CNGA3: variants seen among roughly 807,000 people sequenced by gnomAD.
CNGA3 encodes the protein cyclic nucleotide-gated channel alpha-3.
In CNGA3, 42 loss-of-function variants were observed where a neutral mutation model predicts 46.6. That is an observed-to-expected ratio of 0.90 (90% CI 0.70 to 1.17). The LOEUF is 1.17. CNGA3 is among the 50% of genes most tolerant of loss of function. CNGA3 has a pLI of 0.00. For missense variants in CNGA3, 893 were observed against 890.7 expected, an observed-to-expected ratio of 1.00 and a Z score of -0.03; for synonymous variants, 394 against 369.4, an observed-to-expected ratio of 1.07 and a Z score of -0.76.
At position 98,397,310 on chromosome 2, in the gene CNGA3, T is replaced by G; in HGVS notation, c.*55T>G. ...GGTCGACTGTCAGGGTGACCGTATG[T>G]GGCCGCAGCTGTGTGGCATGGAACT... On this transcript the variant is annotated 3_prime_UTR_variant, in exon 8 of 8. Coordinates refer to ENST00000272602, the MANE Select transcript of CNGA3 (RefSeq NM_001298.3). 6.4e-7 allele frequency: 1 copy of G among 1,552,926 alleles called. No homozygotes were observed. The highest frequency in any genetic ancestry group is 8.8e-7 in the Non-Finnish European group (1 of 1,131,072).
chr2:98,365,909 A>T (rs191944481), intron 1 of CNGA3, among the ~76,000 whole-genome samples: 1 of 152,268 alleles, frequency 6.6e-6, no homozygotes, highest in East Asian at 1.9e-4. Flanking sequence ...CAGTTAATCC[A>T]TCTCGGCCTC....
rs751646027 is a variant in CNGA3 at position 98,380,359 on chromosome 2, G to A, written c.395+5G>A. The A allele has an allele frequency of 1.2e-6, 2 of 1,613,468 alleles. No individual in the cohort carries two copies. Among genetic ancestry groups the A allele is most frequent in the South Asian group, 2.2e-5 (2 of 90,974 alleles). On this transcript the variant is annotated splice_donor_5th_base_variant and intron_variant, in intron 4 of 7. Transcript: ENST00000272602. ...GCCAGCAGACAGAGGGAGAAGGTAA[G>A]GAACGGAAAAGAAGAAGGGGCCTCT...
At chr2:98,374,837 C>T (rs1692368761) in intron 2 of CNGA3, among the ~76,000 whole-genome samples, 1 of 152,256 alleles carries the variant, frequency 6.6e-6, no homozygotes, top group Non-Finnish European at 1.5e-5. Flanking sequence ...ATGGGCCCCC[C>T]CATCAGGCCC....
Position 98,369,980 on chromosome 2 carries a change from C to T in CNGA3, c.5C>T (p.Ala2Val), listed in dbSNP as rs767999739. ...TAAATGTGACAAACCGAGAAGATGGCCAAGATCAACACCCAATACTCCCAC... is the reference window on the plus strand; with the variant it reads ...TAAATGTGACAAACCGAGAAGATGGTCAAGATCAACACCCAATACTCCCAC... M[A>V]KINTQYSHPS... Residue 2 changes from alanine (A) to valine (V), a missense_variant, in exon 2 of 8, where the codon GCC becomes GTC. By Grantham distance (64) the Ala-to-Val change is moderately conservative. Around this residue, in one of 3 missense-constraint regions of CNGA3, gnomAD observed 333 missense variants for 290.8 expected, o/e 1.15. Coordinates refer to ENST00000272602, the MANE Select transcript of CNGA3 (RefSeq NM_001298.3). 2.5e-6 allele frequency: 4 copies of T among 1,613,402 alleles called. No homozygotes were observed. In the African/African-American group the frequency reaches 5.3e-5, roughly 22 times the overall value.
At chr2:98,365,189 C>T (rs2104160418) in intron 1 of CNGA3, among the ~76,000 whole-genome samples, 1 of 152,222 alleles carries the variant, frequency 6.6e-6, no homozygotes, top group Non-Finnish European at 1.5e-5. Context: ...CTCCTATAAT[C>T]CCAACACTTT....
At chr2:98,349,652 C>G (rs1311091393) in intron 1 of CNGA3, among the ~76,000 whole-genome samples, 1 of 152,188 alleles carries the variant, frequency 6.6e-6, no homozygotes, top group Non-Finnish European at 1.5e-5. Context: ...AAGGCAGGAA[C>G]AGAGCTCAAA....
Position 98,346,547 on chromosome 2 carries a change from A to T in CNGA3, c.-38+13A>T. 2.5e-6 allele frequency: 1 copy of T among 397,304 alleles called. No homozygotes were observed. The highest frequency in any genetic ancestry group is 4.4e-6 in the Non-Finnish European group (1 of 225,642). 24.6% of individuals were successfully genotyped at this position (397,304 alleles called of 1,614,324 possible). The stretch of plus-strand genomic sequence containing the variant: ...AAACTTTGGCAGGGTAAGGATTTTT[A>T]GGGGCTCTTGAGCTGGAATTTTTTG... On this transcript the variant is annotated intron_variant, in intron 1 of 7. Coordinates refer to ENST00000272602, the MANE Select transcript of CNGA3 (RefSeq NM_001298.3).
In CNGA3 at chr2:98,396,032, T is replaced by G; in HGVS notation, c.862T>G (p.Phe288Val). Residue 288 changes from phenylalanine to valine, a missense_variant, in exon 8 of 8, where the codon TTT becomes GTT. By Grantham distance (50) the Phe-to-Val change is conservative (BLOSUM62 -1). Transcript: ENST00000272602. ...GAAGTTTTCCCGGCTCTTTGAATTCTTTGACCGCACAGAGACAAGGACCAA... is the reference window on the plus strand; with the variant it reads ...GAAGTTTTCCCGGCTCTTTGAATTCGTTGACCGCACAGAGACAAGGACCAA... ...LLKFSRLFEF[F>V]DRTETRTNYP... 4 of 1,614,248 alleles carry G rather than the reference T, an allele frequency of 2.5e-6. No homozygotes were observed. The highest frequency in any genetic ancestry group is 3.4e-6 in the Non-Finnish European group (4 of 1,180,030).
chr2:98,382,659 T>C (rs1000147424), intron 4 of CNGA3, among the ~76,000 whole-genome samples: 6 of 152,232 alleles, frequency 3.9e-5, no homozygotes, highest in African/African-American at 1.4e-4. Context: ...TGAAAATGTG[T>C]TCTGGCGGTC....
chr2:98,357,616 T>C (rs1691914750), intron 1 of CNGA3, among the ~76,000 whole-genome samples: 2 of 152,132 alleles, frequency 1.3e-5, no homozygotes, highest in Admixed American at 1.3e-4. Context: ...CCAGGTATAG[T>C]GCCTGGGACA....
At chr2:98,385,716 C>T (rs929815503) in intron 5 of CNGA3, among the ~76,000 whole-genome samples, 2 of 152,148 alleles carry the variant, frequency 1.3e-5, no homozygotes, top group African/African-American at 4.8e-5. Context: ...GGTAATTTAT[C>T]AGAAAAGTGG....
At chr2:98,393,961 A>G (rs1009898923) in intron 7 of CNGA3, among the ~76,000 whole-genome samples, 3 of 151,066 alleles carry the variant, frequency 2.0e-5, no homozygotes, top group African/African-American at 7.3e-5. Flanking sequence ...TTGTTGTGAC[A>G]GCACACTAGA....
chr2:98,380,131 G>C (rs747681060), intron 3 of CNGA3, 44 bp from the exon 4 acceptor site: 31 of 1,609,382 alleles, frequency 1.9e-5, no homozygotes, highest in Non-Finnish European at 2.5e-5. Flanking sequence ...GGGTGTGGGG[G>C]GCTTTTCCTC....
chr2:98,389,909 G>A (rs976623948), intron 6 of CNGA3, 135 bp downstream of exon 6: 18 of 645,580 alleles, frequency 2.8e-5, no homozygotes, highest in Non-Finnish European at 3.8e-5. Context: ...ATTGTGCCTC[G>A]GTTTCTCCTT....
rs1692900161 is a variant in CNGA3 at position 98,395,928 on chromosome 2, T to C, written c.758T>C (p.Val253Ala). The C allele has an allele frequency of 1.2e-6, 2 of 1,614,106 alleles. No homozygotes were observed. The highest frequency in any genetic ancestry group is 1.7e-6 in the Non-Finnish European group (2 of 1,180,052). Residue 253 changes from valine (V) to alanine (A), a missense_variant, in exon 8 of 8, where the codon GTG becomes GCG. Coordinates refer to ENST00000272602, the MANE Select transcript of CNGA3 (RefSeq NM_001298.3). Reference sequence around the variant, plus strand: ...ACGACCACGCAGTTCAAGCTGGATGTGTTGTCCCTGGTCCCCACCGACCTG... The same window carrying C: ...ACGACCACGCAGTTCAAGCTGGATGCGTTGTCCCTGGTCCCCACCGACCTG... ...YKTTTQFKLD[V>A]LSLVPTDLAY...
In CNGA3 at chr2:98,391,939, T is replaced by C; in HGVS notation, c.642T>C (p.Tyr214=). 1 of 1,614,124 alleles carries C rather than the reference T, an allele frequency of 6.2e-7. No individual in the cohort carries two copies. The highest frequency in any genetic ancestry group is 1.1e-5 in the South Asian group (1 of 91,088). Residue 214 remains tyrosine (Y), a synonymous_variant, in exon 7 of 8, where the codon TAT becomes TAC. Transcript: ENST00000272602. ...LVLDYSADVL[Y]VLDVLVRART... ...TGGACTACTCGGCAGATGTCCTGTATGTCTTGGATGTGCTTGTACGAGCTC... is the reference window on the plus strand; with the variant it reads ...TGGACTACTCGGCAGATGTCCTGTACGTCTTGGATGTGCTTGTACGAGCTC...
At chr2:98,367,696 T>C (rs1258809143) in intron 1 of CNGA3, among the ~76,000 whole-genome samples, 1 of 152,082 alleles carries the variant, frequency 6.6e-6, no homozygotes, top group East Asian at 1.9e-4. Context: ...GGGCACTGTG[T>C]TCAGCACCTC....
intron 4 of CNGA3, among the ~76,000 whole-genome samples, chr2:98,382,599 G>A (rs1692564449): frequency 6.6e-6 from 1 of 152,242 alleles, no homozygotes; most frequent in Non-Finnish European, 1.5e-5. Context: ...CTCCTATGAG[G>A]GGTCTGCAGT....
intron 5 of CNGA3, among the ~76,000 whole-genome samples, chr2:98,384,911 G>A (rs1442608039): frequency 6.6e-6 from 1 of 152,138 alleles, no homozygotes; most frequent in Non-Finnish European, 1.5e-5. Flanking sequence ...CCAAAATGAG[G>A]ACACACACAA....
Sources: allele counts gnomAD v4.1 joint callset (sites outside exome capture counted in the v4.1 genomes callset), GRCh38; gene constraint gnomAD v4.1.1; regional missense constraint gnomAD v4.1.1; transcripts MANE v1.5; gene names NCBI Gene and HGNC (gene_info 2026-07-23, HGNC 2026-07-21).